PIK3CG: variants seen among roughly 807,000 people sequenced by gnomAD.
PIK3CG encodes the protein phosphatidylinositol-4,5-bisphosphate 3-kinase catalytic subunit gamma, also known as phosphatidylinositol 4,5-bisphosphate 3-kinase catalytic subunit gamma isoform.
PIK3CG carries 55 observed loss-of-function variants against 102.3 expected under a neutral mutation model. The observed-to-expected ratio is 0.54, with a 90% CI of 0.43 to 0.67. The LOEUF is 0.67. PIK3CG is among the 30% of genes least tolerant of loss of function. The probability of loss-of-function intolerance (pLI) is 0.00; values close to 1 mark genes in which losing one functional copy is unlikely to be tolerated. For synonymous variants in PIK3CG, 552 were observed against 540.0 expected, an observed-to-expected ratio of 1.02 and a Z score of -0.31; for missense variants, 1,258 against 1,391.8, an observed-to-expected ratio of 0.90 and a Z score of 1.53.
chr7:106,886,967 A>C (rs945768608), intron 10 of PIK3CG, among the ~76,000 whole-genome samples: 1 of 152,084 alleles, frequency 6.6e-6, no homozygotes, highest in Non-Finnish European at 1.5e-5. Flanking sequence ...CAACACATAA[A>C]ATACACTAGA....
chr7:106,904,442 A>G (rs947452153), intron 10 of PIK3CG, among the ~76,000 whole-genome samples: 5 of 152,238 alleles, frequency 3.3e-5, no homozygotes, highest in South Asian at 4.1e-4. Context: ...TTTAAATGGC[A>G]TAACCATACC....
At position 106,882,494 on chromosome 7, in the gene PIK3CG, A is replaced by G. The variant is rs1038181762; in HGVS notation, c.2629+287A>G. 6 of 240,924 alleles carry G rather than the reference A, an allele frequency of 2.5e-5. No homozygotes were observed. The Admixed American group carries it at 3.3e-4, about 13-fold the overall frequency. The allele number at this position is 240,924 out of a possible 1,614,324, so 14.9% of individuals were successfully genotyped here. A position where few individuals can be genotyped will look rare whatever the true frequency, so the allele number is the denominator to read the frequency against. ...TCTAAACTTTAACTCATTTCATTAC[A>G]CATTAAACTTTTCTCTCACAAAAAA... is the stretch of plus-strand genomic sequence containing the variant. On this transcript the variant is annotated intron_variant, in intron 7 of 10. Transcript: ENST00000496166.
rs1404417772 is a variant in PIK3CG, at chr7:106,867,605, A to T, written c.44A>T (p.Asp15Val). 2 of 1,606,738 alleles carry T rather than the reference A, an allele frequency of 1.2e-6. No homozygotes were observed. The highest frequency in any genetic ancestry group is 2.7e-5 in the African/African-American group (2 of 74,544). ...NYKQPVVLRE[D>V]NCRRRRRMKP... The stretch of plus-strand genomic sequence containing the variant: ...AAACAGCCCGTGGTGCTGAGAGAGG[A>T]CAACTGCCGAAGGCGCCGGAGGATG... Residue 15 changes from aspartate to valine, a missense_variant, in exon 2 of 11, where the codon GAC becomes GTC. Physicochemically the swap from Asp to Val is radical, Grantham distance 152 (BLOSUM62 -3). Transcript: ENST00000496166. The surrounding 1 kb of genome is among the most constrained non-coding windows in gnomAD (Gnocchi z 5.1).
intron 2 of PIK3CG, among the ~76,000 whole-genome samples, chr7:106,870,926 TAGCTCTCCATAACAGAAAC>T (rs1459201397): frequency 6.6e-6 from 1 of 152,228 alleles, no homozygotes; most frequent in Admixed American, 6.5e-5. Flanking sequence ...TTCAGTTTTC[TAGCTCTCCATAACAGAAAC>T]AACATGAAAA....
chr7:106,894,092 G>C lies in PIK3CG; in HGVS notation c.3030+7800G>C, dbSNP rs1332489730. 3.9e-5 allele frequency among the ~76,000 whole-genome samples: 6 copies of C among 152,208 alleles called. No individual in the cohort carries two copies. In the East Asian group the frequency reaches 1.2e-3, roughly 29 times the overall value. ...CAGTACATGACTGTATATAGGACTTGTGATGTACAGTTTTAAATTAGCCTC... is the reference window on the plus strand; with the variant it reads ...CAGTACATGACTGTATATAGGACTTCTGATGTACAGTTTTAAATTAGCCTC... On this transcript the variant is annotated intron_variant, in intron 10 of 10. Coordinates refer to ENST00000496166, the MANE Select transcript of PIK3CG (RefSeq NM_001282426.2). This position sits in a 1 kb window ranked among gnomAD's most constrained non-coding sequence, Gnocchi z 4.4.
In PIK3CG at chr7:106,906,479, T is replaced by G. The variant is rs1188610645; in HGVS notation, c.*1092T>G. Reference sequence around the variant, plus strand: ...TAATGGAAGAAGATATTTAATATCTTAAAAATATTCCAAGTTAGGAAGAAC... The same window carrying G: ...TAATGGAAGAAGATATTTAATATCTGAAAAATATTCCAAGTTAGGAAGAAC... On this transcript the variant is annotated 3_prime_UTR_variant, in exon 11 of 11. Transcript: ENST00000496166. The G allele has an allele frequency of 8.7e-6, 2 of 229,952 alleles. No homozygotes were observed. The highest frequency in any genetic ancestry group is 4.4e-5 in the African/African-American group (2 of 45,200). 14.2% of individuals were successfully genotyped at this position (229,952 alleles called of 1,614,324 possible). A position where few individuals can be genotyped will look rare whatever the true frequency, so the allele number is the denominator to read the frequency against.
In PIK3CG at chr7:106,867,790, C is replaced by T. The variant is rs1448416221; in HGVS notation, c.229C>T (p.Arg77Ter). The change falls in exon 2 of 11, where the codon CGA (arginine) becomes TGA (stop). Residue 77 changes from arginine (R) to a stop codon, truncating the protein, a stop_gained. Coordinates refer to ENST00000496166, the MANE Select transcript of PIK3CG (RefSeq NM_001282426.2). LOFTEE classifies it high-confidence loss of function. This position sits in a 1 kb window ranked among gnomAD's most constrained non-coding sequence, Gnocchi z 5.1. ...VEQMKAQVWL[R>*]ALETSVAADF... Reference sequence around the variant, plus strand: ...GCAGATGAAGGCCCAGGTGTGGCTGCGAGCGCTGGAGACCAGCGTGGCGGC... The same window carrying T: ...GCAGATGAAGGCCCAGGTGTGGCTGTGAGCGCTGGAGACCAGCGTGGCGGC... 4 of 1,612,610 alleles carry T rather than the reference C, an allele frequency of 2.5e-6. No individual in the cohort carries two copies. The highest frequency in any genetic ancestry group is 3.4e-6 in the Non-Finnish European group (4 of 1,179,924).
At position 106,872,587 on chromosome 7, in the gene PIK3CG, GA is replaced by G; in HGVS notation, c.2048del (p.Lys683SerfsTer4). On this transcript the variant is annotated frameshift_variant, in exon 3 of 11. Transcript: ENST00000496166. LOFTEE classifies it high-confidence loss of function. This position sits in a 1 kb window ranked among gnomAD's most constrained non-coding sequence, Gnocchi z 5.3. Reference sequence around the variant, plus strand: ...ATAGCGCCCTTGCCAGATTTCTGCTGAAGCGTGGTTTAAGAGTAAGTACTTC... The same window carrying G: ...ATAGCGCCCTTGCCAGATTTCTGCTGAGCGTGGTTTAAGAGTAAGTACTTC... Reference protein sequence around the residue: ...HDSALARFLLKRGLRNKRIGH... With the variant: ...HDSALARFLLXRGLRNKRIGH... 6.2e-7 allele frequency: 1 copy of G among 1,613,910 alleles called. No individual in the cohort carries two copies. Among genetic ancestry groups the G allele is most frequent in the East Asian group, 2.2e-5 (1 of 44,882 alleles).
Position 106,905,086 on chromosome 7 carries a change from G to A in PIK3CG, c.3031-23G>A, listed in dbSNP as rs749811447. ...GTTAGTTACCATAACAACAGTAACA[G>A]CATTTTCTTCTTCTTTATCCAGGAC... On this transcript the variant is annotated intron_variant, in intron 10 of 10. Transcript: ENST00000496166. This position sits in a 1 kb window ranked among gnomAD's most constrained non-coding sequence, Gnocchi z 5.6. The A allele has an allele frequency of 2.5e-6, 4 of 1,604,094 alleles. No homozygotes were observed. In the Admixed American group the frequency reaches 6.7e-5, roughly 27 times the overall value.
In PIK3CG at chr7:106,892,871, G is replaced by A. The variant is rs543551287; in HGVS notation, c.3030+6579G>A. 1.7e-3 allele frequency among the ~76,000 whole-genome samples: 253 copies of A among 152,248 alleles called. No individual in the cohort carries two copies. Among genetic ancestry groups the A allele is most frequent in the Non-Finnish European group, 3.0e-3 (201 of 68,016 alleles). The stretch of plus-strand genomic sequence containing the variant: ...AACATCCAGACAGAAAGAACAGCAC[G>A]AGCAAGTGCATGAAGTTAGAAAAGT... On this transcript the variant is annotated intron_variant, in intron 10 of 10. Transcript: ENST00000496166. This position sits in a 1 kb window ranked among gnomAD's most constrained non-coding sequence, Gnocchi z 5.2.
At position 106,867,424 on chromosome 7, in the gene PIK3CG, T is replaced by C; in HGVS notation, c.-12-126T>C. 4.7e-6 allele frequency: 4 copies of C among 843,268 alleles called. No homozygotes were observed. Among genetic ancestry groups the C allele is most frequent in the East Asian group, 2.5e-5 (1 of 40,190 alleles). The allele number at this position is 843,268 out of a possible 1,614,324, so 52.2% of individuals were successfully genotyped here. A position where few individuals can be genotyped will look rare whatever the true frequency, so the allele number is the denominator to read the frequency against. The stretch of plus-strand genomic sequence containing the variant: ...GGGCTGTAGTGCTTCCAGTTTAAAA[T>C]ACTTGGTCCCTCTGGGTCCCTGTGC... On this transcript the variant is annotated intron_variant, in intron 1 of 10. Coordinates refer to ENST00000496166, the MANE Select transcript of PIK3CG (RefSeq NM_001282426.2). This position sits in a 1 kb window ranked among gnomAD's most constrained non-coding sequence, Gnocchi z 5.1.
intron 10 of PIK3CG, among the ~76,000 whole-genome samples, chr7:106,887,190 C>T (rs1226852755): frequency 6.6e-6 from 1 of 152,110 alleles, no homozygotes; most frequent in Non-Finnish European, 1.5e-5. Context: ...TAAATACTGG[C>T]AAAATTAATA....
rs1441974534 is a variant in PIK3CG, at chr7:106,874,388, T to G, written c.2288-312T>G. On this transcript the variant is annotated intron_variant, in intron 4 of 10. Coordinates refer to ENST00000496166, the MANE Select transcript of PIK3CG (RefSeq NM_001282426.2). This position sits in a 1 kb window ranked among gnomAD's most constrained non-coding sequence, Gnocchi z 4.3. ...AAAGAAAACTACAGTATTAATTCCT[T>G]AGCATCACCCTCAGAGCATACTTCT... Among the ~76,000 whole-genome samples, 3 of 152,202 alleles carry G rather than the reference T, an allele frequency of 2.0e-5. No individual in the cohort carries two copies. The highest frequency in any genetic ancestry group is 4.4e-5 in the Non-Finnish European group (3 of 68,034).
Position 106,869,444 on chromosome 7 carries a change from T to G in PIK3CG, c.1883T>G (p.Met628Arg), listed in dbSNP as rs932793892. ...DQSALDVGLTMQLLDCNFSDE... is the reference protein window; with the variant it reads ...DQSALDVGLTRQLLDCNFSDE... The stretch of plus-strand genomic sequence containing the variant: ...AGTGCTTTGGATGTTGGGTTAACAA[T>G]GCAGCTCCTGGACTGCAACTTCTCA... Residue 628 changes from methionine (M) to arginine (R), a missense_variant, in exon 2 of 11, where the codon ATG (methionine) becomes AGG (arginine). Physicochemically the swap from Met to Arg is moderately conservative, Grantham distance 91. Coordinates refer to ENST00000496166, the MANE Select transcript of PIK3CG (RefSeq NM_001282426.2). The surrounding 1 kb of genome is among the most constrained non-coding windows in gnomAD (Gnocchi z 5.3). The G allele has an allele frequency of 7.4e-6, 12 of 1,614,218 alleles. No individual in the cohort carries two copies. The highest frequency in any genetic ancestry group is 1.0e-5 in the Non-Finnish European group (12 of 1,180,036).
Position 106,867,569 on chromosome 7 carries a change from T to C in PIK3CG, c.8T>C (p.Leu3Pro), listed in dbSNP as rs1562952748. ...TCCCAGGTCGCATAGGGCATGGAGC[T>C]GGAGAACTATAAACAGCCCGTGGTG... is the stretch of plus-strand genomic sequence containing the variant. ME[L>P]ENYKQPVVLR... Residue 3 changes from leucine (L) to proline (P), a missense_variant, in exon 2 of 11, where the codon CTG becomes CCG. Coordinates refer to ENST00000496166, the MANE Select transcript of PIK3CG (RefSeq NM_001282426.2). This position sits in a 1 kb window ranked among gnomAD's most constrained non-coding sequence, Gnocchi z 5.1. 5.7e-6 allele frequency: 9 copies of C among 1,568,776 alleles called. No individual in the cohort carries two copies. The Middle Eastern group carries it at 5.2e-4, about 90-fold the overall frequency.
rs1030142039 is a variant in PIK3CG, at chr7:106,899,062, C to T, written c.3031-6047C>T. 2.0e-5 allele frequency among the ~76,000 whole-genome samples: 3 copies of T among 152,076 alleles called. No individual in the cohort carries two copies. Among genetic ancestry groups the T allele is most frequent in the African/African-American group, 7.2e-5 (3 of 41,406 alleles). On this transcript the variant is annotated intron_variant, in intron 10 of 10. Transcript: ENST00000496166. The surrounding 1 kb of genome is among the most constrained non-coding windows in gnomAD (Gnocchi z 4.6). ...TCTTAGAGCAGTGTTTTATAATTCT[C>T]ATTGTAGAGATCTTTCACCTCCCTG...
In PIK3CG at chr7:106,877,859, A is replaced by G. The variant is rs1790805681; in HGVS notation, c.2392-1660A>G. 6.6e-6 allele frequency among the ~76,000 whole-genome samples: 1 copy of G among 152,144 alleles called. No individual in the cohort carries two copies. The highest frequency in any genetic ancestry group is 1.9e-4 in the East Asian group (1 of 5,202). ...CATTAACCCCCGCATCCTTTGCATT[A>G]TTTTTATTATGATTTCAACTTCTAT... On this transcript the variant is annotated intron_variant, in intron 5 of 10. Transcript: ENST00000496166. This position sits in a 1 kb window ranked among gnomAD's most constrained non-coding sequence, Gnocchi z 4.5.
In PIK3CG at chr7:106,868,600, G is replaced by A. The variant is rs752896730; in HGVS notation, c.1039G>A (p.Glu347Lys). The A allele has an allele frequency of 4.3e-6, 7 of 1,614,206 alleles. No individual in the cohort carries two copies. The highest frequency in any genetic ancestry group is 1.1e-5 in the South Asian group (1 of 91,082). The change falls in exon 2 of 11, where the codon GAG (glutamate) becomes AAG (lysine). Residue 347 changes from glutamate (E) to lysine (K), a missense_variant. Transcript: ENST00000496166. The surrounding 1 kb of genome is among the most constrained non-coding windows in gnomAD (Gnocchi z 6.2). ...EQLTIHGKDH[E>K]SVFTVSLWDC... is the part of the protein sequence containing the mutation. ...GCTTACCATCCACGGCAAGGACCAC[G>A]AGAGTGTGTTCACCGTGTCCCTGTG...
At chr7:106,898,759 C>A (rs1290242647) in intron 10 of PIK3CG, among the ~76,000 whole-genome samples, 2 of 152,082 alleles carry the variant, frequency 1.3e-5, no homozygotes, top group Non-Finnish European at 2.9e-5. Context: ...TGTACCATTA[C>A]CATGCTGTTT....
Sources: allele counts gnomAD v4.1 joint callset (sites outside exome capture counted in the v4.1 genomes callset), GRCh38; gene constraint gnomAD v4.1.1; non-coding constraint Gnocchi (gnomAD v3.1); transcripts MANE v1.5; gene names NCBI Gene and HGNC (gene_info 2026-07-23, HGNC 2026-07-21).